The following TRPC3 variants were observed in gnomAD, a reference collection of about 807,000 sequenced individuals.
TRPC3 encodes the protein transient receptor potential cation channel subfamily C member 3, also known as short transient receptor potential channel 3.
TRPC3 carries 54 observed loss-of-function variants against 90.9 expected under a neutral mutation model. The ratio of observed to expected loss-of-function variants is 0.59; its 90% CI spans 0.48 to 0.75. The LOEUF is 0.75. Ranked by LOEUF, TRPC3 falls within the 30% of genes least tolerant of loss-of-function variation. TRPC3 has a pLI of 0.00. For missense variants in TRPC3, 918 were observed against 1,194.5 expected (o/e 0.77, Z 3.41); for synonymous variants, 424 against 450.9 (o/e 0.94, Z 0.75).
chr4:121,932,337 C>A lies in TRPC3; in HGVS notation c.921G>T (p.Pro307=). ...TGCTGAGCTCTAGGGCCGTAAGCACCGGGTCCTCGCTGGACAATGAGAGGT... is the reference window on the plus strand; with the variant it reads ...TGCTGAGCTCTAGGGCCGTAAGCACAGGGTCCTCGCTGGACAATGAGAGGT... ...PAYLSLSSED[P]VLTALELSNE... is the part of the protein sequence containing the mutation. The change falls in exon 2 of 12, where the codon CCG becomes CCT. Residue 307 remains proline, a synonymous_variant. Coordinates refer to ENST00000379645, the MANE Select transcript of TRPC3 (RefSeq NM_001130698.2). This position sits in a 1 kb window ranked among gnomAD's most constrained non-coding sequence, Gnocchi z 7.7. The A allele has an allele frequency of 6.2e-7, 1 of 1,614,150 alleles. No individual in the cohort carries two copies. Among genetic ancestry groups the A allele is most frequent in the Non-Finnish European group, 8.5e-7 (1 of 1,180,026 alleles).
chr4:121,950,079 C>G (rs1730632579), intron 1 of TRPC3, among the ~76,000 whole-genome samples: 1 of 152,130 alleles, frequency 6.6e-6, no homozygotes, highest in Non-Finnish European at 1.5e-5. Flanking sequence ...CGCTTTCATC[C>G]CAAAGGATAT....
chr4:121,878,408 T>C lies in TRPC3; in HGVS notation c.*1328A>G, dbSNP rs1256376612. On this transcript the variant is annotated 3_prime_UTR_variant, in exon 12 of 12. Transcript: ENST00000379645. The stretch of plus-strand genomic sequence containing the variant: ...AGGACCTCTGAAAATCTTTGATCTA[T>C]GATCACAATTCGTATTCCTATACGA... 6.6e-6 allele frequency among the ~76,000 whole-genome samples: 1 copy of C among 152,136 alleles called. No homozygotes were observed. Among genetic ancestry groups the C allele is most frequent in the East Asian group, 1.9e-4 (1 of 5,186 alleles).
At chr4:121,900,095 T>C (rs1182835948) in intron 9 of TRPC3, among the ~76,000 whole-genome samples, 7 of 152,164 alleles carry the variant, frequency 4.6e-5, no homozygotes, top group Non-Finnish European at 7.4e-5. Context: ...TAGAAACATA[T>C]TGCAGGTTCA....
chr4:121,917,168 A>T (rs986084106), intron 3 of TRPC3, among the ~76,000 whole-genome samples: 4 of 152,176 alleles, frequency 2.6e-5, no homozygotes, highest in Non-Finnish European at 5.9e-5. Flanking sequence ...GTTGCTAAGG[A>T]TGTATTAGAT....
rs114603050 is a variant in TRPC3, at chr4:121,932,205, A to G, written c.987+66T>C. 10,641 of 1,571,308 alleles carry G rather than the reference A, an allele frequency of 6.8e-3. 575 individuals are homozygous for G. In the African/African-American group the frequency reaches 0.13, roughly 18 times the overall value. ...AATGTGGAGCGAACGGTGGCAGAGCAGGCCAGGCAGCAGCGGGGAAGTTGG... is the reference window on the plus strand; with the variant it reads ...AATGTGGAGCGAACGGTGGCAGAGCGGGCCAGGCAGCAGCGGGGAAGTTGG... On this transcript the variant is annotated intron_variant, in intron 2 of 11. Coordinates refer to ENST00000379645, the MANE Select transcript of TRPC3 (RefSeq NM_001130698.2). The surrounding 1 kb of genome is among the most constrained non-coding windows in gnomAD (Gnocchi z 7.7).
At chr4:121,922,660 G>A (rs1305042045) in intron 3 of TRPC3, among the ~76,000 whole-genome samples, 1 of 152,100 alleles carries the variant, frequency 6.6e-6, no homozygotes, top group Non-Finnish European at 1.5e-5. Flanking sequence ...CACTTCCAAA[G>A]CAATGATAAA....
intron 2 of TRPC3, among the ~76,000 whole-genome samples, chr4:121,926,886 A>G (rs189538202): frequency 2.0e-5 from 3 of 152,322 alleles, no homozygotes; most frequent in Admixed American, 2.0e-4. Context: ...ACCCCAGCCC[A>G]CATGTCCTGA....
Position 121,925,090 on chromosome 4 carries a change from C to T in TRPC3, c.1104G>A (p.Glu368=). 1 of 1,614,134 alleles carries T rather than the reference C, an allele frequency of 6.2e-7. No individual in the cohort carries two copies. The highest frequency in any genetic ancestry group is 8.5e-7 in the Non-Finnish European group (1 of 1,180,012). The stretch of plus-strand genomic sequence containing the variant: ...CTTTGTGCCTGTGTACCTCCAGAGG[C>T]TCTGCTGATTCCAGATCTCCATTCA... ...AILNGDLESA[E]PLEVHRHKAS... The change falls in exon 3 of 12, where the codon GAG becomes GAA. Residue 368 remains glutamate, a synonymous_variant. Transcript: ENST00000379645.
At chr4:121,894,406 T>C (rs911020601) in intron 10 of TRPC3, among the ~76,000 whole-genome samples, 2 of 151,914 alleles carry the variant, frequency 1.3e-5, no homozygotes, top group African/African-American at 4.8e-5. Context: ...ATAATAATAG[T>C]TGGGAACTTC....
In TRPC3 at chr4:121,951,864, G is replaced by A. The variant is rs1730784186; in HGVS notation, c.-184C>T. On this transcript the variant is annotated 5_prime_UTR_variant, in exon 1 of 12. Coordinates refer to ENST00000379645, the MANE Select transcript of TRPC3 (RefSeq NM_001130698.2). This position sits in a 1 kb window ranked among gnomAD's most constrained non-coding sequence, Gnocchi z 4.4. ...CGCGATCCAGCAGTTAGAGGCTAGC[G>A]CCGAAGCCGAGCTGCCGCCGCCCAC... is the stretch of plus-strand genomic sequence containing the variant. The A allele has an allele frequency of 4.8e-6, 2 of 418,998 alleles. No individual in the cohort carries two copies. The allele number at this position is 418,998 out of a possible 1,614,324, so 26.0% of individuals were successfully genotyped here. A position where few individuals can be genotyped will look rare whatever the true frequency, so the allele number is the denominator to read the frequency against.
At chr4:121,942,202 A>G (rs1730342503) in intron 1 of TRPC3, among the ~76,000 whole-genome samples, 1 of 152,212 alleles carries the variant, frequency 6.6e-6, no homozygotes, top group East Asian at 1.9e-4. Flanking sequence ...TTAGGTCTCC[A>G]CAGTAATGAA....
intron 2 of TRPC3, among the ~76,000 whole-genome samples, chr4:121,931,507 A>G (rs938210548): frequency 6.6e-6 from 1 of 152,150 alleles, no homozygotes; most frequent in African/African-American, 2.4e-5. Context: ...TTTTATACAA[A>G]TAAATAATAC....
chr4:121,901,538 A>G (rs928189359), intron 9 of TRPC3, among the ~76,000 whole-genome samples: 2 of 152,254 alleles, frequency 1.3e-5, no homozygotes, highest in African/African-American at 4.8e-5. Context: ...TAAAATGGGA[A>G]TAATGATAAT....
intron 9 of TRPC3, among the ~76,000 whole-genome samples, chr4:121,901,090 CA>C (rs1483545370): frequency 6.6e-6 from 1 of 152,156 alleles, no homozygotes; most frequent in South Asian, 2.1e-4. Flanking sequence ...ATGATAATAT[CA>C]GGAATGAAGT....
intron 1 of TRPC3, among the ~76,000 whole-genome samples, chr4:121,947,704 AC>A (rs1345923799): frequency 6.6e-6 from 1 of 152,202 alleles, no homozygotes; most frequent in Non-Finnish European, 1.5e-5. Flanking sequence ...ATGAGTATAA[AC>A]GACAGCATGA....
Position 121,902,913 on chromosome 4 carries a change from T to C in TRPC3, c.2402A>G (p.Lys801Arg), listed in dbSNP as rs1293654067. Reference sequence around the variant, plus strand: ...CTTCTGAAGCCTTCTCCTTCTGCATTTGGGAAAGTTAACAATTCGCATGAT... The same window carrying C: ...CTTCTGAAGCCTTCTCCTTCTGCATCTGGGAAAGTTAACAATTCGCATGAT... ...YFIMRIVNFP[K>R]CRRRRLQKDI... Residue 801 changes from lysine to arginine, a missense_variant, in exon 9 of 12, where the codon AAA becomes AGA. Lys to Arg is a conservative substitution (Grantham distance 26). This residue lies in a region of TRPC3 where 121 missense variants were observed against 135.7 expected (regional missense o/e 0.89). Coordinates refer to ENST00000379645, the MANE Select transcript of TRPC3 (RefSeq NM_001130698.2). 1.2e-6 allele frequency: 2 copies of C among 1,613,538 alleles called. No homozygotes were observed. The highest frequency in any genetic ancestry group is 3.3e-5 in the Admixed American group (2 of 59,938).
At chr4:121,900,697 G>T (rs1284577267) in intron 9 of TRPC3, among the ~76,000 whole-genome samples, 2 of 152,190 alleles carry the variant, frequency 1.3e-5, no homozygotes, top group Non-Finnish European at 2.9e-5. Context: ...CCAAATTTCT[G>T]CTGCATTCAA....
intron 9 of TRPC3, among the ~76,000 whole-genome samples, chr4:121,901,188 TC>T (rs1242274342): frequency 1.3e-5 from 2 of 152,238 alleles, no homozygotes; most frequent in Non-Finnish European, 2.9e-5. Flanking sequence ...TGAGAGACTT[TC>T]TTTTTTGCAA....
chr4:121,914,407 G>A (rs1284024157), intron 4 of TRPC3, among the ~76,000 whole-genome samples: 1 of 152,168 alleles, frequency 6.6e-6, no homozygotes, highest in Non-Finnish European at 1.5e-5. Context: ...TGGTACTACT[G>A]CAGCAGTGCT....
Sources: allele counts gnomAD v4.1 joint callset (sites outside exome capture counted in the v4.1 genomes callset), GRCh38; gene constraint gnomAD v4.1.1; regional missense constraint gnomAD v4.1.1; non-coding constraint Gnocchi (gnomAD v3.1); transcripts MANE v1.5; gene names NCBI Gene and HGNC (gene_info 2026-07-23, HGNC 2026-07-21).